The following ESYT2 variants were observed in gnomAD, a reference collection of about 807,000 sequenced individuals.
The protein encoded by ESYT2 is extended synaptotagmin 2.
A neutral mutation model predicts 107.2 loss-of-function variants in ESYT2; 54 were observed. The observed-to-expected ratio is 0.50, with a 90% CI of 0.40 to 0.63. The LOEUF (loss-of-function observed/expected upper bound fraction) is 0.63, where lower values mean the gene tolerates loss of function less well. Ranked by LOEUF, ESYT2 falls within the 30% of genes least tolerant of loss-of-function variation. The probability of loss-of-function intolerance (pLI) is 0.00; values close to 1 mark genes in which losing one functional copy is unlikely to be tolerated. For missense variants in ESYT2, 1,020 were observed against 1,094.5 expected (o/e 0.93, Z 0.96); for synonymous variants, 491 against 434.1 (o/e 1.13, Z -1.63).
chr7:158,780,874 G>C (rs1838755585), intron 6 of ESYT2, among the ~76,000 whole-genome samples: 1 of 152,232 alleles, frequency 6.6e-6, no homozygotes. Flanking sequence ...GCAAGAGCCA[G>C]AGGCTGTAAT....
intron 8 of ESYT2, among the ~76,000 whole-genome samples, chr7:158,765,985 G>A (rs550051790): frequency 6.6e-6 from 1 of 152,106 alleles, no homozygotes; most frequent in Admixed American, 6.5e-5. Context: ...GGATCATGAG[G>A]TCAGGAGATC....
chr7:158,775,382 C>A (rs901333856), intron 6 of ESYT2, among the ~76,000 whole-genome samples: 2 of 81,070 alleles, frequency 2.5e-5, no homozygotes, highest in African/African-American at 6.0e-5. Context: ...CTGTAGCATG[C>A]CACACTGTTT....
Position 158,754,138 on chromosome 7 carries a change from T to G in ESYT2, c.1420-1295A>C, listed in dbSNP as rs1045968474. ...GGGAGGCCTCTGGAGTTACTCATCT[T>G]GCAGCCTCGGGCTACTCACCATCAG... is the stretch of plus-strand genomic sequence containing the variant. On this transcript the variant is annotated intron_variant, in intron 13 of 22. Transcript: ENST00000275418. 3.3e-5 allele frequency among the ~76,000 whole-genome samples: 5 copies of G among 152,166 alleles called. No homozygotes were observed. The East Asian group carries it at 9.6e-4, about 29-fold the overall frequency.
chr7:158,734,170 G>T lies in ESYT2; in HGVS notation c.*37C>A. On this transcript the variant is annotated 3_prime_UTR_variant, in exon 23 of 23. Transcript: ENST00000275418. Reference sequence around the variant, plus strand: ...AGGGTGTGTTCCGGGTAGAGGTGGAGAGCTACGCTGAAGAGGACGCCTCCT... The same window carrying T: ...AGGGTGTGTTCCGGGTAGAGGTGGATAGCTACGCTGAAGAGGACGCCTCCT... The T allele has an allele frequency of 6.2e-7, 1 of 1,612,964 alleles. No individual in the cohort carries two copies. The highest frequency in any genetic ancestry group is 1.1e-5 in the South Asian group (1 of 91,024).
At chr7:158,814,603 A>G (rs1256796483) in intron 1 of ESYT2, among the ~76,000 whole-genome samples, 1 of 152,194 alleles carries the variant, frequency 6.6e-6, no homozygotes, top group African/African-American at 2.4e-5. Flanking sequence ...TGCTAACAGT[A>G]TATAAACTTA....
intron 8 of ESYT2, among the ~76,000 whole-genome samples, chr7:158,767,295 G>C (rs1417784003): frequency 1.3e-5 from 2 of 152,210 alleles, no homozygotes; most frequent in Non-Finnish European, 2.9e-5. Context: ...AGGAAAACTG[G>C]TGCCTGTTGC....
chr7:158,767,818 G>A (rs1162189951), intron 7 of ESYT2, 44 bp from the exon 8 acceptor site: 3 of 1,582,920 alleles, frequency 1.9e-6, no homozygotes, highest in Non-Finnish European at 2.6e-6. Context: ...TATCAGACAT[G>A]TGAATGCTTC....
intron 3 of ESYT2, among the ~76,000 whole-genome samples, chr7:158,795,056 T>C (rs952765859): frequency 1.3e-5 from 2 of 152,160 alleles, no homozygotes; most frequent in Non-Finnish European, 2.9e-5. Context: ...CCAAATGACG[T>C]GGAGATGAGG....
In ESYT2 at chr7:158,734,203, G is replaced by A; in HGVS notation, c.*4C>T. ...CTGAAGAGGACGCCTCCTGCCTGCT[G>A]CGGCTATGTCATCGCCTGAGGCCTC... is the stretch of plus-strand genomic sequence containing the variant. On this transcript the variant is annotated 3_prime_UTR_variant, in exon 23 of 23. Transcript: ENST00000275418. 2 of 1,614,144 alleles carry A rather than the reference G, an allele frequency of 1.2e-6. No individual in the cohort carries two copies. Among genetic ancestry groups the A allele is most frequent in the Non-Finnish European group, 1.7e-6 (2 of 1,180,040 alleles).
intron 9 of ESYT2, among the ~76,000 whole-genome samples, chr7:158,764,245 C>A (rs758309603): frequency 1.3e-5 from 2 of 151,876 alleles, no homozygotes; most frequent in Non-Finnish European, 2.9e-5. Context: ...GGCGTCTATT[C>A]GATGGAATGG....
At chr7:158,742,734 T>A (rs1041569811) in intron 17 of ESYT2, among the ~76,000 whole-genome samples, 3 of 150,656 alleles carry the variant, frequency 2.0e-5, no homozygotes, top group Non-Finnish European at 2.9e-5. Flanking sequence ...AGCTTAAAGG[T>A]TTTTTCTGGT....
chr7:158,762,378 T>C (rs770529685), intron 10 of ESYT2, among the ~76,000 whole-genome samples: 1 of 152,118 alleles, frequency 6.6e-6, no homozygotes, highest in Non-Finnish European at 1.5e-5. Flanking sequence ...AATCTCTCAA[T>C]TGTTCCTAGT....
chr7:158,739,351 G>T (rs959084654), intron 18 of ESYT2, among the ~76,000 whole-genome samples: 2 of 152,096 alleles, frequency 1.3e-5, no homozygotes, highest in African/African-American at 2.4e-5. Flanking sequence ...TATTTCTTTT[G>T]TTTTTGTTTT....
At chr7:158,761,455 G>T in intron 11 of ESYT2, 41 bp downstream of exon 11, 1 of 1,603,126 alleles carries the variant, frequency 6.2e-7, no homozygotes, top group Non-Finnish European at 8.5e-7. Context: ...CAGGGACTCA[G>T]TCAACAATTG....
At chr7:158,773,487 T>A in intron 6 of ESYT2, 91 bp from the exon 7 acceptor site, 2 of 1,287,794 alleles carry the variant, frequency 1.6e-6, no homozygotes, top group Non-Finnish European at 2.2e-6. Flanking sequence ...GTAGACAAAA[T>A]GGGTTAGTAC....
chr7:158,757,970 C>G (rs1330949762), intron 13 of ESYT2, among the ~76,000 whole-genome samples: 1 of 152,146 alleles, frequency 6.6e-6, no homozygotes, highest in Non-Finnish European at 1.5e-5. Context: ...GCAAACAATT[C>G]TACTGTATAG....
rs144756743 is a variant in ESYT2 at position 158,794,847 on chromosome 7, A to G, written c.508-1121T>C. Among the ~76,000 whole-genome samples, 590 of 152,298 alleles carry G rather than the reference A, an allele frequency of 3.9e-3. 3 individuals carry two copies. Among genetic ancestry groups the G allele is most frequent in the African/African-American group, 0.014 (569 of 41,544 alleles). The stretch of plus-strand genomic sequence containing the variant: ...TGACAAGCATGAGTGTATTAAAATC[A>G]CACCTCTCAACGAGCTGTCAAATCA... On this transcript the variant is annotated intron_variant, in intron 3 of 22. Transcript: ENST00000275418.
chr7:158,797,456 C>T (rs1584863837), intron 3 of ESYT2, among the ~76,000 whole-genome samples: 1 of 152,050 alleles, frequency 6.6e-6, no homozygotes. Context: ...AACATATACC[C>T]AGCTAGCTGG....
At chr7:158,737,754 C>T (rs1837018838) in intron 19 of ESYT2, among the ~76,000 whole-genome samples, 1 of 152,202 alleles carries the variant, frequency 6.6e-6, no homozygotes, top group Non-Finnish European at 1.5e-5. Flanking sequence ...ACATTTTTAT[C>T]ATCTTTCTAA....
Sources: allele counts gnomAD v4.1 joint callset (sites outside exome capture counted in the v4.1 genomes callset), GRCh38; gene constraint gnomAD v4.1.1; transcripts MANE v1.5; gene names NCBI Gene and HGNC (gene_info 2026-07-23, HGNC 2026-07-21).